EFR3A: variants seen among roughly 807,000 people sequenced by gnomAD.
EFR3A encodes the protein EFR3 homolog A.
In EFR3A, 76 loss-of-function variants were observed where a neutral mutation model predicts 104.4. The observed-to-expected ratio is 0.73, with a 90% CI of 0.60 to 0.88. The LOEUF is 0.88. Ranked by LOEUF, EFR3A falls within the 40% of genes least tolerant of loss-of-function variation. EFR3A has a pLI of 0.00. For synonymous variants in EFR3A, 330 were observed against 330.0 expected (o/e 1.00, Z 0.00); for missense variants, 985 against 1,012.5 (o/e 0.97, Z 0.37).
intron 8 of EFR3A, among the ~76,000 whole-genome samples, chr8:131,966,634 G>A (rs1195154532): frequency 6.6e-6 from 1 of 152,086 alleles, no homozygotes; most frequent in Non-Finnish European, 1.5e-5. Flanking sequence ...GAGTTACAGG[G>A]AGATTAAATA....
chr8:131,957,635 C>A (rs1027291696), intron 7 of EFR3A, among the ~76,000 whole-genome samples: 3 of 152,158 alleles, frequency 2.0e-5, no homozygotes, highest in African/African-American at 7.2e-5. Flanking sequence ...CAGGCATGAG[C>A]CACAGCACCC....
At chr8:131,932,762 C>G (rs995156856) in intron 1 of EFR3A, among the ~76,000 whole-genome samples, 2 of 152,066 alleles carry the variant, frequency 1.3e-5, no homozygotes, top group Admixed American at 6.6e-5. Context: ...TATAGGGAAA[C>G]ACTTTATTTT....
rs765292585 is a variant in EFR3A, at chr8:131,979,003, A to G, written c.1483A>G (p.Lys495Glu). 3.7e-6 allele frequency: 6 copies of G among 1,608,864 alleles called. No individual in the cohort carries two copies. The Admixed American group carries it at 8.5e-5, about 23-fold the overall frequency. Reference sequence around the variant, plus strand: ...CATGGATCGTCATGACAATAGGGCAAAGCTTCGAGGGATCAGGTAATGTGC... The same window carrying G: ...CATGGATCGTCATGACAATAGGGCAGAGCTTCGAGGGATCAGGTAATGTGC... ...NLMDRHDNRA[K>E]LRGIRIIPDV... The change falls in exon 13 of 23, where the codon AAG becomes GAG. Residue 495 changes from lysine to glutamate, a missense_variant. Lys to Glu is a moderately conservative substitution (Grantham distance 56). Transcript: ENST00000254624.
chr8:131,982,280 T>C (rs1365156857), intron 14 of EFR3A, among the ~76,000 whole-genome samples: 1 of 152,172 alleles, frequency 6.6e-6, no homozygotes, highest in Non-Finnish European at 1.5e-5. Context: ...CATTGTGTAT[T>C]CTTTTAAGTT....
chr8:131,944,111 C>T (rs181591056), intron 2 of EFR3A, among the ~76,000 whole-genome samples: 8 of 152,176 alleles, frequency 5.3e-5, no homozygotes, highest in Admixed American at 4.6e-4. Flanking sequence ...GCAACACTTA[C>T]TTGGGTTATA....
chr8:132,002,704 AAAGT>A lies in EFR3A; in HGVS notation c.2310+3_2310+6del. On this transcript the variant is annotated splice_donor_variant and coding_sequence_variant, in exon 21 of 23. Transcript: ENST00000254624. LOFTEE classifies it high-confidence loss of function. ...AGAAATAGCAGCACAGTGTGAATCC[AAAGT>A]AAGTGAAGAAACGGTGAAGGGCTTG... The A allele has an allele frequency of 6.2e-7, 1 of 1,612,768 alleles. No individual in the cohort carries two copies. Among genetic ancestry groups the A allele is most frequent in the Non-Finnish European group, 8.5e-7 (1 of 1,179,000 alleles).
chr8:131,936,961 G>A (rs956444705), intron 1 of EFR3A, among the ~76,000 whole-genome samples: 1 of 152,012 alleles, frequency 6.6e-6, no homozygotes, highest in African/African-American at 2.4e-5. Flanking sequence ...TTAACTATCA[G>A]CCCCTCCCGC....
chr8:131,914,461 G>A (rs1023169123), intron 1 of EFR3A, among the ~76,000 whole-genome samples: 3 of 152,038 alleles, frequency 2.0e-5, no homozygotes, highest in African/African-American at 7.2e-5. Context: ...TATTGCTCTT[G>A]ACCCACATTG....
chr8:131,913,172 G>T (rs1446493871), intron 1 of EFR3A, among the ~76,000 whole-genome samples: 34 of 141,196 alleles, frequency 2.4e-4, no homozygotes, highest in African/African-American at 7.9e-4. Flanking sequence ...TTGTAGAGTT[G>T]AATACAGTTC....
chr8:131,964,913 A>G (rs1267576120), intron 8 of EFR3A, among the ~76,000 whole-genome samples: 3 of 152,138 alleles, frequency 2.0e-5, no homozygotes, highest in East Asian at 1.9e-4. Context: ...ATAATGCCAC[A>G]TATCTACAAC....
chr8:132,003,283 A>G lies in EFR3A; in HGVS notation c.2358A>G (p.Ile786Met). The G allele has an allele frequency of 6.2e-7, 1 of 1,612,342 alleles. No homozygotes were observed. The highest frequency in any genetic ancestry group is 8.5e-7 in the Non-Finnish European group (1 of 1,179,046). The change falls in exon 22 of 23, where the codon ATA (isoleucine) becomes ATG (methionine). Residue 786 changes from isoleucine (I) to methionine (M), a missense_variant and splice_region_variant. Physicochemically the swap from Ile to Met is conservative, Grantham distance 10. Coordinates refer to ENST00000254624, the MANE Select transcript of EFR3A (RefSeq NM_015137.6). ...DRLAQILELT[I>M]RPPPSPSGTL... ...TTGCCCAAATATTGGAACTCACCAT[A>G]CGGTAAGGGTTTTGTTATCACAATA...
At chr8:131,987,804 C>T (rs1820968065) in intron 18 of EFR3A, 102 bp downstream of exon 18, 2 of 1,250,722 alleles carry the variant, frequency 1.6e-6, no homozygotes, top group Non-Finnish European at 2.2e-6. Context: ...GGTGTGTGTC[C>T]TTACTATAGC....
chr8:132,006,889 A>C (rs987421556), intron 22 of EFR3A, among the ~76,000 whole-genome samples: 3 of 152,046 alleles, frequency 2.0e-5, no homozygotes, highest in African/African-American at 7.2e-5. Flanking sequence ...TCACCACATT[A>C]ACATAGTAAG....
chr8:131,930,386 C>A (rs1186352254), intron 1 of EFR3A, among the ~76,000 whole-genome samples: 4 of 151,726 alleles, frequency 2.6e-5, no homozygotes, highest in Non-Finnish European at 5.9e-5. Context: ...ATAACCTGTT[C>A]TCTAGCCATT....
chr8:131,966,958 G>A (rs775237251), intron 8 of EFR3A, among the ~76,000 whole-genome samples: 1 of 152,098 alleles, frequency 6.6e-6, no homozygotes, highest in Non-Finnish European at 1.5e-5. Context: ...AAGAACACAT[G>A]CTCTGGTTTG....
intron 1 of EFR3A, among the ~76,000 whole-genome samples, chr8:131,907,943 G>A (rs1816332752): frequency 1.3e-5 from 2 of 151,922 alleles, no homozygotes; most frequent in Admixed American, 1.3e-4. Flanking sequence ...TGCCCTGTTT[G>A]CTGCCCAGAT....
At chr8:132,006,009 CAAA>C (rs1363907762) in intron 22 of EFR3A, among the ~76,000 whole-genome samples, 1 of 152,052 alleles carries the variant, frequency 6.6e-6, no homozygotes, top group African/African-American at 2.4e-5. Flanking sequence ...ACCCATACCT[CAAA>C]GAAGAAATGA....
At chr8:131,918,172 A>G (rs1816833227) in intron 1 of EFR3A, among the ~76,000 whole-genome samples, 1 of 152,168 alleles carries the variant, frequency 6.6e-6, no homozygotes, top group Non-Finnish European at 1.5e-5. Flanking sequence ...CTGCAATTCC[A>G]GCTACTCAGG....
At position 131,904,413 on chromosome 8, in the gene EFR3A, G is replaced by A. The variant is rs1816136668; in HGVS notation, c.10+91G>A. The A allele has an allele frequency of 4.4e-6, 5 of 1,148,924 alleles. No homozygotes were observed. In the East Asian group the frequency reaches 1.6e-4, roughly 37 times the overall value. The allele number at this position is 1,148,924 out of a possible 1,614,324, so 71.2% of individuals were successfully genotyped here. On this transcript the variant is annotated intron_variant, in intron 1 of 22. Coordinates refer to ENST00000254624, the MANE Select transcript of EFR3A (RefSeq NM_015137.6). ...GTACTCCTCCCGGGCGGCTGGGGAGGCTGGGCCGCGCTGAGCAGAGCCAGG... is the reference window on the plus strand; with the variant it reads ...GTACTCCTCCCGGGCGGCTGGGGAGACTGGGCCGCGCTGAGCAGAGCCAGG...
Sources: allele counts gnomAD v4.1 joint callset (sites outside exome capture counted in the v4.1 genomes callset), GRCh38; gene constraint gnomAD v4.1.1; transcripts MANE v1.5; gene names NCBI Gene and HGNC (gene_info 2026-07-23, HGNC 2026-07-21).